PCDH7: variants seen among roughly 807,000 people sequenced by gnomAD.
PCDH7 encodes protocadherin 7, also known as protocadherin-7.
In PCDH7, 17 loss-of-function variants were observed where a neutral mutation model predicts 58.9. That is an observed-to-expected ratio of 0.29 (90% CI 0.20 to 0.43). The LOEUF (loss-of-function observed/expected upper bound fraction) is 0.43, where lower values mean the gene tolerates loss of function less well. Ranked by LOEUF, PCDH7 falls within the 20% of genes least tolerant of loss-of-function variation. PCDH7 has a pLI of 1.00. For synonymous variants in PCDH7, 664 were observed against 616.4 expected (o/e 1.08, Z -1.14); for missense variants, 1,274 against 1,441.0 (o/e 0.88, Z 1.88).
At chr4:30,736,535 ATT>A (rs35719962), downstream of PCDH7, among the ~76,000 whole-genome samples, 17,339 of 134,366 alleles carry the variant, frequency 0.13, 1,188 homozygotes, top group East Asian at 0.3. Flanking sequence ...ATTTTCATTT[ATT>A]TTTTTTTTTT....
chr4:31,100,452 C>T (rs530779469), intron 3 of PCDH7, among the ~76,000 whole-genome samples: 17 of 152,108 alleles, frequency 1.1e-4, no homozygotes, highest in South Asian at 2.1e-4. Context: ...TAAGTCCCAT[C>T]GTTTCTAAAG....
intron 3 of PCDH7, among the ~76,000 whole-genome samples, chr4:31,039,981 G>A (rs946435677): frequency 7.9e-5 from 12 of 152,220 alleles, no homozygotes; most frequent in African/African-American, 2.9e-4. Context: ...TACAAACAGG[G>A]GGCTTCAGAA....
chr4:30,761,991 G>C (rs1720090133), intron 1 of PCDH7, among the ~76,000 whole-genome samples: 1 of 152,170 alleles, frequency 6.6e-6, no homozygotes. Flanking sequence ...GTATAATTGA[G>C]TGAAATTCAG....
intron 3 of PCDH7, among the ~76,000 whole-genome samples, chr4:31,072,327 T>G (rs1275229748): frequency 6.6e-6 from 1 of 151,874 alleles, no homozygotes; most frequent in East Asian, 1.9e-4. Flanking sequence ...TAGAGGAGAG[T>G]GGTATAAATA....
chr4:30,753,589 G>T (rs552245073), intron 1 of PCDH7, among the ~76,000 whole-genome samples: 2 of 152,174 alleles, frequency 1.3e-5, no homozygotes, highest in Non-Finnish European at 1.5e-5. Context: ...TTGACACAGG[G>T]CTCAAGGTAG....
chr4:30,724,947 T>C (rs201353169), intron 1 of PCDH7: 1 of 1,048,166 alleles, frequency 9.5e-7, no homozygotes, highest in East Asian at 8.1e-5. Context: ...CACCTGAAAT[T>C]ATTTTCTTCT....
chr4:30,821,186 C>T (rs1023335819), intron 1 of PCDH7, among the ~76,000 whole-genome samples: 1 of 152,190 alleles, frequency 6.6e-6, no homozygotes, highest in African/African-American at 2.4e-5. Flanking sequence ...AATGATCTCA[C>T]TCTGTTCACT....
chr4:31,048,381 CAAT>C (rs1756460006), intron 3 of PCDH7, among the ~76,000 whole-genome samples: 2 of 151,944 alleles, frequency 1.3e-5, no homozygotes, highest in Non-Finnish European at 2.9e-5. Flanking sequence ...ATTCTGTTTT[CAAT>C]AAAGATTACA....
intron 3 of PCDH7, chr4:30,987,884 T>A (rs1751113624): frequency 6.6e-6 from 1 of 152,104 alleles, no homozygotes; most frequent in African/African-American, 2.4e-5. Flanking sequence ...TAGGAGTGTG[T>A]GCCAAGGAGG....
chr4:30,809,998 C>A (rs950529888), intron 1 of PCDH7, among the ~76,000 whole-genome samples: 4 of 152,146 alleles, frequency 2.6e-5, no homozygotes, highest in Non-Finnish European at 5.9e-5. Context: ...CTCAGTGTGG[C>A]AGGATTACAG....
At chr4:31,005,085 T>C (rs1041131915) in intron 3 of PCDH7, among the ~76,000 whole-genome samples, 4 of 152,228 alleles carry the variant, frequency 2.6e-5, no homozygotes, top group Non-Finnish European at 5.9e-5. Flanking sequence ...TAAAGTGTAG[T>C]TAAGCGTATG....
At chr4:31,050,805 T>G (rs1336491260) in intron 3 of PCDH7, among the ~76,000 whole-genome samples, 2 of 152,146 alleles carry the variant, frequency 1.3e-5, no homozygotes, top group Non-Finnish European at 2.9e-5. Flanking sequence ...ACAGAACAGG[T>G]TCAAATACTT....
chr4:30,929,178 GATTAA>G (rs1197311976), intron 2 of PCDH7, among the ~76,000 whole-genome samples: 3 of 152,194 alleles, frequency 2.0e-5, no homozygotes, highest in African/African-American at 7.2e-5. Flanking sequence ...TTAAATAGAT[GATTAA>G]ATTACATTAG....
At chr4:31,016,524 C>A (rs1450747288) in intron 3 of PCDH7, among the ~76,000 whole-genome samples, 1 of 151,492 alleles carries the variant, frequency 6.6e-6, no homozygotes, top group Non-Finnish European at 1.5e-5. Flanking sequence ...GCACCACTTA[C>A]AAAGGCTACA....
chr4:31,057,367 A>T, intron 3 of PCDH7, among the ~76,000 whole-genome samples: 1 of 152,174 alleles, frequency 6.6e-6, no homozygotes, highest in East Asian at 1.9e-4. Context: ...AAGCATTGTC[A>T]CTTTCAACAG....
chr4:31,119,154 T>C (rs1454814513), intron 3 of PCDH7, among the ~76,000 whole-genome samples: 1 of 152,188 alleles, frequency 6.6e-6, no homozygotes, highest in Non-Finnish European at 1.5e-5. Context: ...TGATGGGAAA[T>C]GATTGATCAA....
intron 1 of PCDH7, among the ~76,000 whole-genome samples, chr4:30,872,861 C>G (rs536270484): frequency 6.6e-6 from 1 of 152,118 alleles, no homozygotes; most frequent in South Asian, 2.1e-4. Context: ...ATAGTGACTA[C>G]CTTTTAGCTT....
At chr4:31,044,117 A>G (rs1313218555) in intron 3 of PCDH7, among the ~76,000 whole-genome samples, 1 of 152,264 alleles carries the variant, frequency 6.6e-6, no homozygotes. Flanking sequence ...TCAGTAAGTA[A>G]GTAAATAATA....
chr4:30,774,753 G>T (rs1042114169), intron 1 of PCDH7, among the ~76,000 whole-genome samples: 5 of 152,130 alleles, frequency 3.3e-5, no homozygotes, highest in Non-Finnish European at 7.4e-5. Flanking sequence ...ATGTTCTAGG[G>T]ATATATAGTA....
Sources: gnomAD v4.1 joint callset for allele counts (sites outside exome capture counted in the v4.1 genomes callset) on GRCh38, gnomAD v4.1.1 for gene constraint, MANE v1.5 for transcripts, NCBI Gene and HGNC (gene_info 2026-07-23, HGNC 2026-07-21) for gene names.